The following USP8 variants were observed in gnomAD, a reference collection of about 807,000 sequenced individuals.
USP8 encodes ubiquitin carboxyl-terminal hydrolase 8.
Under a neutral mutation model 130.0 loss-of-function variants are expected in USP8, and 27 were observed. The ratio of observed to expected loss-of-function variants is 0.21; its 90% CI spans 0.15 to 0.29. USP8 has a LOEUF of 0.29. Ranked by LOEUF, USP8 falls within the 10% of genes least tolerant of loss-of-function variation. The pLI, the probability that USP8 is intolerant of heterozygous loss-of-function variation, is 1.00. For synonymous variants in USP8, 392 were observed against 444.1 expected (o/e 0.88, Z 1.48); for missense variants, 1,029 against 1,312.2 (o/e 0.78, Z 3.33).
chr15:50,491,678 A>C lies in USP8; in HGVS notation c.2235-1023A>C, dbSNP rs140203010. 2.8e-3 allele frequency among the ~76,000 whole-genome samples: 421 copies of C among 152,280 alleles called. 20 individuals carry two copies. The East Asian group carries it at 0.073, about 26-fold the overall frequency. ...AAAAAAGAAAAAAGACCTATCAGTT[A>C]AGATTTTCCTTATGCTTCAGCAGTT... On this transcript the variant is annotated intron_variant, in intron 14 of 19. Transcript: ENST00000307179.
In USP8 at chr15:50,511,890, C is replaced by G. The variant is rs992108163; in HGVS notation, c.*12802C>G. 1 of 152,046 alleles carries G rather than the reference C, an allele frequency of 6.6e-6. No homozygotes were observed. The highest frequency in any genetic ancestry group is 6.6e-5 in the Admixed American group (1 of 15,250). 9.4% of individuals were successfully genotyped at this position (152,046 alleles called of 1,614,324 possible). A position where few individuals can be genotyped will look rare whatever the true frequency, so the allele number is the denominator to read the frequency against. ...GTGCACACCTGTGGTCCCAGCTACT[C>G]GAGGGAGGGAGGAGGGAAGATCACT... On this transcript the variant is annotated 3_prime_UTR_variant, in exon 20 of 20. Transcript: ENST00000307179.
chr15:50,470,678 C>CT (rs1244415583), intron 7 of USP8, among the ~76,000 whole-genome samples: 1 of 151,014 alleles, frequency 6.6e-6, no homozygotes, highest in Admixed American at 6.6e-5. Flanking sequence ...TCTTGGCTCA[C>CT]TGCAGCCTCC....
chr15:50,484,473 G>A, intron 12 of USP8, 112 bp downstream of exon 12: 3 of 821,070 alleles, frequency 3.7e-6, no homozygotes, highest in Non-Finnish European at 5.7e-6. Flanking sequence ...CAGTGTAAGG[G>A]GATCGTTGCC....
chr15:50,429,893 G>A (rs904214381), intron 1 of USP8, among the ~76,000 whole-genome samples: 2 of 152,124 alleles, frequency 1.3e-5, no homozygotes, highest in Non-Finnish European at 2.9e-5. Flanking sequence ...AAAAATTAAT[G>A]AGGTAGAAGA....
At chr15:50,431,654 T>C (rs372107286) in intron 1 of USP8, among the ~76,000 whole-genome samples, 8 of 152,254 alleles carry the variant, frequency 5.3e-5, no homozygotes, top group African/African-American at 1.9e-4. Flanking sequence ...GTAATATTCC[T>C]TATTATTACT....
intron 10 of USP8, among the ~76,000 whole-genome samples, chr15:50,478,165 G>A (rs967322249): frequency 6.6e-5 from 10 of 152,122 alleles, no homozygotes; most frequent in African/African-American, 2.2e-4. Context: ...GCTTACATAT[G>A]ATAGGTATGT....
rs2052610091 is a variant in USP8, at chr15:50,502,789, T to G, written c.*3701T>G. On this transcript the variant is annotated 3_prime_UTR_variant, in exon 20 of 20. Transcript: ENST00000307179. ...CTGGGACTACAGGCATACACCACCA[T>G]GTCCAGAATGAAAATGGATCTGACT... 6.6e-6 allele frequency: 1 copy of G among 152,358 alleles called. No homozygotes were observed. 9.4% of individuals were successfully genotyped at this position (152,358 alleles called of 1,614,324 possible). A position where few individuals can be genotyped will look rare whatever the true frequency, so the allele number is the denominator to read the frequency against.
At chr15:50,477,578 G>C (rs2051610182) in intron 10 of USP8, 79 bp downstream of exon 10, 2 of 1,324,936 alleles carry the variant, frequency 1.5e-6, no homozygotes, top group Non-Finnish European at 2.1e-6. Flanking sequence ...AGTGCCTCAC[G>C]CCTGTAATCC....
At chr15:50,469,836 T>TTG (rs1009804265) in intron 7 of USP8, among the ~76,000 whole-genome samples, 27 of 150,970 alleles carry the variant, frequency 1.8e-4, no homozygotes, top group Non-Finnish European at 3.3e-4. Context: ...ATCCAATTTT[T>TTG]TTTTTTTTTT....
intron 17 of USP8, 90 bp from the exon 18 acceptor site, chr15:50,496,997 GGT>G (rs1439743222): frequency 6.9e-7 from 1 of 1,452,164 alleles, no homozygotes; most frequent in African/African-American, 1.4e-5. Context: ...TTGAATCACT[GGT>G]GCCTGCAGAG....
At chr15:50,459,856 T>G (rs557955090) in intron 5 of USP8, among the ~76,000 whole-genome samples, 19 of 152,224 alleles carry the variant, frequency 1.2e-4, no homozygotes, top group Admixed American at 1.2e-3. Flanking sequence ...TTAAGTTTCT[T>G]CTTTCTAATC....
intron 16 of USP8, among the ~76,000 whole-genome samples, chr15:50,494,901 G>C (rs559991794): frequency 3.3e-5 from 5 of 151,946 alleles, no homozygotes; most frequent in Non-Finnish European, 7.4e-5. Context: ...TGTAATCCCA[G>C]CTACTCAGGT....
intron 17 of USP8, among the ~76,000 whole-genome samples, chr15:50,496,675 GACTA>G (rs1351965300): frequency 6.6e-6 from 1 of 152,102 alleles, no homozygotes. Flanking sequence ...GTTGTCTGTT[GACTA>G]ACTTAGGCCT....
At chr15:50,433,223 G>C (rs995190432) in intron 1 of USP8, among the ~76,000 whole-genome samples, 2 of 150,102 alleles carry the variant, frequency 1.3e-5, no homozygotes, top group African/African-American at 4.9e-5. Flanking sequence ...GACAGAGTGA[G>C]ACTCCGTCTC....
rs1385516672 is a variant in USP8, at chr15:50,503,711, A to G, written c.*4623A>G. The stretch of plus-strand genomic sequence containing the variant: ...GTGGTCTGCGAATCCTGTGAACTTA[A>G]TATGAAAAGTATTTCTAGGGCAGTT... On this transcript the variant is annotated 3_prime_UTR_variant, in exon 20 of 20. Coordinates refer to ENST00000307179, the MANE Select transcript of USP8 (RefSeq NM_005154.5). 6.6e-6 allele frequency: 1 copy of G among 152,216 alleles called. No individual in the cohort carries two copies. The highest frequency in any genetic ancestry group is 1.5e-5 in the Non-Finnish European group (1 of 68,040). The allele number at this position is 152,216 out of a possible 1,614,324, so 9.4% of individuals were successfully genotyped here. A position where few individuals can be genotyped will look rare whatever the true frequency, so the allele number is the denominator to read the frequency against.
intron 3 of USP8, chr15:50,444,599 T>C (rs1334286978): frequency 5.3e-5 from 8 of 152,114 alleles, no homozygotes; most frequent in Admixed American, 5.2e-4. Flanking sequence ...AAAGGGAGTA[T>C]GTAGGCAGAG....
At chr15:50,432,360 A>G (rs1196595549) in intron 1 of USP8, 1 of 152,102 alleles carries the variant, frequency 6.6e-6, no homozygotes, top group Non-Finnish European at 1.5e-5. Context: ...CTCAACATAA[A>G]TATCTGTTCT....
chr15:50,497,399 C>A, intron 18 of USP8, 168 bp downstream of exon 18: 1 of 719,398 alleles, frequency 1.4e-6, no homozygotes, highest in Non-Finnish European at 2.0e-6. Context: ...GTTAGTTCAC[C>A]TCAGTGTTTT....
chr15:50,495,292 ATACATATATAC>A lies in USP8; in HGVS notation c.2659-555_2659-545del, dbSNP rs1416345414. On this transcript the variant is annotated intron_variant, in intron 16 of 19. Coordinates refer to ENST00000307179, the MANE Select transcript of USP8 (RefSeq NM_005154.5). ...TACACATATATATACACATACATAT[ATACATATATAC>A]GTGTATATATACATACATATATACA... Among the ~76,000 whole-genome samples the A allele has an allele frequency of 3.1e-3, 102 of 32,992 alleles. 2 individuals are homozygous for A. The highest frequency in any genetic ancestry group is 9.3e-3 in the African/African-American group (99 of 10,616). 21.6% of individuals were successfully genotyped at this position (32,992 alleles called of 152,430 possible). A position where few individuals can be genotyped will look rare whatever the true frequency, so the allele number is the denominator to read the frequency against.
Sources: allele counts gnomAD v4.1 joint callset (sites outside exome capture counted in the v4.1 genomes callset), GRCh38; gene constraint gnomAD v4.1.1; transcripts MANE v1.5; gene names NCBI Gene and HGNC (gene_info 2026-07-23, HGNC 2026-07-21).